The following LHFPL3 variants were observed in gnomAD, a reference collection of about 807,000 sequenced individuals.
LHFPL3 encodes the protein LHFPL tetraspan subfamily member 3, also known as LHFPL tetraspan subfamily member 3 protein.
Under a neutral mutation model 19.3 loss-of-function variants are expected in LHFPL3, and 5 were observed. That is an observed-to-expected ratio of 0.26 (90% CI 0.14 to 0.54). The LOEUF is 0.54. Ranked by LOEUF, LHFPL3 falls within the 20% of genes least tolerant of loss-of-function variation. The pLI, the probability that LHFPL3 is intolerant of heterozygous loss-of-function variation, is 0.94. For missense variants in LHFPL3, 249 were observed against 307.4 expected, an observed-to-expected ratio of 0.81 and a Z score of 1.42; for synonymous variants, 133 against 126.2, an observed-to-expected ratio of 1.05 and a Z score of -0.36.
chr7:104,540,924 AT>A (rs1412570416), intron 1 of LHFPL3, among the ~76,000 whole-genome samples: 2 of 152,136 alleles, frequency 1.3e-5, no homozygotes, highest in African/African-American at 4.8e-5. Flanking sequence ...AGGTTACTAA[AT>A]GCAACGAACT....
chr7:104,795,551 C>A (rs147200938), intron 2 of LHFPL3, among the ~76,000 whole-genome samples: 25 of 152,292 alleles, frequency 1.6e-4, no homozygotes, highest in Non-Finnish European at 3.2e-4. Context: ...AAGAAGCAGA[C>A]ACACGTTGTC....
At chr7:104,653,013 C>T (rs866303015) in intron 1 of LHFPL3, among the ~76,000 whole-genome samples, 6 of 149,510 alleles carry the variant, frequency 4.0e-5, no homozygotes, top group South Asian at 4.4e-4. Context: ...GGCTGGGAGA[C>T]AGGGCCCTAC....
At chr7:104,887,521 G>A (rs960479766) in intron 2 of LHFPL3, among the ~76,000 whole-genome samples, 5 of 152,224 alleles carry the variant, frequency 3.3e-5, no homozygotes, top group African/African-American at 1.2e-4. Flanking sequence ...ATTGACTGAG[G>A]ACTGCTAGAG....
At chr7:104,782,062 G>A (rs75009181) in intron 2 of LHFPL3, among the ~76,000 whole-genome samples, 13 of 152,240 alleles carry the variant, frequency 8.5e-5, no homozygotes, top group South Asian at 2.1e-4. Context: ...GCAGGGCTCC[G>A]CAGGGCAATT....
chr7:104,627,168 C>T, intron 1 of LHFPL3, among the ~76,000 whole-genome samples: 1 of 152,010 alleles, frequency 6.6e-6, no homozygotes, highest in Non-Finnish European at 1.5e-5. Context: ...CATTCTATTC[C>T]CTGCTTCTAT....
At chr7:104,511,944 C>CTTTTTTTT (rs58712044) in intron 1 of LHFPL3, among the ~76,000 whole-genome samples, 9 of 111,966 alleles carry the variant, frequency 8.0e-5, no homozygotes, top group African/African-American at 2.8e-4. Context: ...CTTTCCTTTT[C>CTTTTTTTT]TTTTTTTTTT....
In LHFPL3 at chr7:104,657,196, T is replaced by C. The variant is rs189288903; in HGVS notation, c.446-79479T>C. Among the ~76,000 whole-genome samples, 3 of 152,362 alleles carry C rather than the reference T, an allele frequency of 2.0e-5. No individual in the cohort carries two copies. The East Asian group carries it at 5.8e-4, about 29-fold the overall frequency. Reference sequence around the variant, plus strand: ...GGTTCTTAAGCATCAAAATATTCAATCACCAATATGTTATCCAACTCTATA... The same window carrying C: ...GGTTCTTAAGCATCAAAATATTCAACCACCAATATGTTATCCAACTCTATA... On this transcript the variant is annotated intron_variant, in intron 1 of 2. Coordinates refer to ENST00000424859, the MANE Select transcript of LHFPL3 (RefSeq NM_199000.3).
chr7:104,719,671 G>A (rs1481709371), intron 1 of LHFPL3, among the ~76,000 whole-genome samples: 2 of 152,170 alleles, frequency 1.3e-5, no homozygotes, highest in African/African-American at 4.8e-5. Flanking sequence ...CTCAAAAAAT[G>A]TCTAGTTATA....
intron 1 of LHFPL3, among the ~76,000 whole-genome samples, chr7:104,489,924 T>A (rs561972445): frequency 2.6e-5 from 4 of 152,154 alleles, no homozygotes; most frequent in Non-Finnish European, 5.9e-5. Context: ...ACCGTAAGTC[T>A]TTATAGTTCC....
intron 1 of LHFPL3, among the ~76,000 whole-genome samples, chr7:104,611,615 A>C (rs182073001): frequency 2.4e-4 from 36 of 152,322 alleles, no homozygotes; most frequent in African/African-American, 7.9e-4. Flanking sequence ...AGGGAAATGG[A>C]AAAAGAAATA....
intron 2 of LHFPL3, among the ~76,000 whole-genome samples, chr7:104,838,281 C>T (rs1370733939): frequency 6.6e-6 from 1 of 152,194 alleles, no homozygotes; most frequent in African/African-American, 2.4e-5. Flanking sequence ...ATGGCTAGTT[C>T]TGTGCAAGTT....
chr7:104,808,271 G>T (rs890110781), intron 2 of LHFPL3, among the ~76,000 whole-genome samples: 7 of 152,110 alleles, frequency 4.6e-5, no homozygotes, highest in Non-Finnish European at 1.0e-4. Context: ...CTCTTACTTT[G>T]TATTCATTTT....
At chr7:104,754,462 G>T (rs982512861) in intron 2 of LHFPL3, among the ~76,000 whole-genome samples, 8 of 152,156 alleles carry the variant, frequency 5.3e-5, no homozygotes, top group Non-Finnish European at 8.8e-5. Context: ...AGCCTGCCTG[G>T]ATTAGAGCCT....
At chr7:104,416,298 A>G (rs1188070691) in intron 1 of LHFPL3, among the ~76,000 whole-genome samples, 2 of 152,294 alleles carry the variant, frequency 1.3e-5, no homozygotes, top group African/African-American at 2.4e-5. Context: ...TTCAGGGAGA[A>G]CATGGCCCTA....
intron 1 of LHFPL3, among the ~76,000 whole-genome samples, chr7:104,731,050 A>G (rs374920648): frequency 6.6e-6 from 1 of 151,860 alleles, no homozygotes. Flanking sequence ...AAGATCAGAT[A>G]GTTGTAGATG....
intron 2 of LHFPL3, among the ~76,000 whole-genome samples, chr7:104,903,307 T>C (rs1321584440): frequency 2.6e-5 from 4 of 152,066 alleles, no homozygotes; most frequent in Non-Finnish European, 4.4e-5. Flanking sequence ...CAACAAATGA[T>C]TCACACCAAA....
intron 1 of LHFPL3, among the ~76,000 whole-genome samples, chr7:104,395,957 A>T (rs1432494477): frequency 6.6e-6 from 1 of 152,190 alleles, no homozygotes; most frequent in Non-Finnish European, 1.5e-5. Flanking sequence ...CCTAAGTCCA[A>T]AAAGGGAAAT....
chr7:104,595,082 C>G (rs1239589965), intron 1 of LHFPL3, among the ~76,000 whole-genome samples: 1 of 152,172 alleles, frequency 6.6e-6, no homozygotes, highest in African/African-American at 2.4e-5. Context: ...TGTTCCGTTG[C>G]TGGCAAGGAG....
chr7:104,715,420 A>G (rs1454989999), intron 1 of LHFPL3, among the ~76,000 whole-genome samples: 2 of 152,238 alleles, frequency 1.3e-5, no homozygotes. Flanking sequence ...GCATTAAAAT[A>G]TTACTGTCAA....
Sources: gnomAD v4.1 joint callset for allele counts (sites outside exome capture counted in the v4.1 genomes callset) on GRCh38, gnomAD v4.1.1 for gene constraint, MANE v1.5 for transcripts, NCBI Gene and HGNC (gene_info 2026-07-23, HGNC 2026-07-21) for gene names.